The following XYLB variants were observed in gnomAD, a reference collection of about 807,000 sequenced individuals.
The protein encoded by XYLB is xylulose kinase.
XYLB carries 62 observed loss-of-function variants against 78.7 expected under a neutral mutation model. The observed-to-expected ratio is 0.79, with a 90% CI of 0.64 to 0.97. The LOEUF (loss-of-function observed/expected upper bound fraction) is 0.97. Ranked by LOEUF, XYLB falls within the 50% of genes least tolerant of loss-of-function variation. XYLB has a pLI of 0.00. For missense variants in XYLB, 687 were observed against 676.8 expected (o/e 1.02, Z -0.17); for synonymous variants, 245 against 247.4 (o/e 0.99, Z 0.09).
chr3:38,359,359 A>G (rs1705847372), intron 2 of XYLB, among the ~76,000 whole-genome samples: 1 of 152,234 alleles, frequency 6.6e-6, no homozygotes, highest in Non-Finnish European at 1.5e-5. Context: ...AGCAACCTCC[A>G]GTGTGAGTGT....
At chr3:38,371,531 T>C (rs968110475) in intron 9 of XYLB, among the ~76,000 whole-genome samples, 2 of 152,044 alleles carry the variant, frequency 1.3e-5, no homozygotes, top group Non-Finnish European at 2.9e-5. Context: ...GCCTCGGCCT[T>C]CCAAAGTGCT....
At chr3:38,416,369 G>A (rs1451041635), downstream of XYLB, among the ~76,000 whole-genome samples, 3 of 152,082 alleles carry the variant, frequency 2.0e-5, no homozygotes, top group East Asian at 5.8e-4. Context: ...AGAATACATA[G>A]TATAATTACT....
At chr3:38,384,828 A>G (rs1024662728) in intron 15 of XYLB, among the ~76,000 whole-genome samples, 6 of 152,096 alleles carry the variant, frequency 3.9e-5, no homozygotes, top group Non-Finnish European at 7.4e-5. Context: ...GTGTGTGTGT[A>G]TATATTTAAC....
intron 2 of XYLB, among the ~76,000 whole-genome samples, chr3:38,351,214 G>A (rs6771827): frequency 0.027 from 3,152 of 116,394 alleles, 111 homozygotes; most frequent in African/African-American, 0.085. Context: ...GTCTGGAAGT[G>A]TGTTGTTTAA....
chr3:38,405,447 A>G (rs1708276532), intron 18 of XYLB, among the ~76,000 whole-genome samples: 1 of 151,660 alleles, frequency 6.6e-6, no homozygotes, highest in Non-Finnish European at 1.5e-5. Flanking sequence ...AGCTCCCAGC[A>G]TGAGCAACGC....
intron 1 of XYLB, 61 bp from the exon 2 acceptor site, chr3:38,348,489 C>T: frequency 6.5e-7 from 1 of 1,540,236 alleles, no homozygotes; most frequent in African/African-American, 1.4e-5. Flanking sequence ...CGTTAGTACC[C>T]CCTGGACCAG....
At chr3:38,398,314 A>G (rs1003785245) in intron 17 of XYLB, among the ~76,000 whole-genome samples, 1 of 151,626 alleles carries the variant, frequency 6.6e-6, no homozygotes, top group Non-Finnish European at 1.5e-5. Context: ...CTAAAAATAC[A>G]AAAATTAGCT....
chr3:38,362,876 G>A lies in XYLB; in HGVS notation c.211-61G>A, dbSNP rs556946909. 2.9e-6 allele frequency: 4 copies of A among 1,379,438 alleles called. No homozygotes were observed. In the East Asian group the frequency reaches 1.1e-4, roughly 37 times the overall value. The allele number at this position is 1,379,438 out of a possible 1,614,324, so 85.4% of individuals were successfully genotyped here. On this transcript the variant is annotated intron_variant, in intron 3 of 18. Transcript: ENST00000207870. ...GCAGGCACTTGCGTTTCAATTCTGA[G>A]GCTTGCGTGTCTGATTCAGTGGTTC...
intron 17 of XYLB, among the ~76,000 whole-genome samples, chr3:38,398,805 A>G (rs1220979644): frequency 1.3e-5 from 2 of 150,208 alleles, no homozygotes; most frequent in African/African-American, 4.9e-5. Flanking sequence ...TAGGCGGATT[A>G]TGAGGTCAGG....
chr3:38,416,696 G>C (rs1443872989), downstream of XYLB, among the ~76,000 whole-genome samples: 1 of 152,090 alleles, frequency 6.6e-6, no homozygotes, highest in Non-Finnish European at 1.5e-5. Context: ...ATCTGAAAAG[G>C]TAGAATTCAG....
At chr3:38,406,302 T>C (rs149446645) in intron 18 of XYLB, among the ~76,000 whole-genome samples, 12,658 of 152,172 alleles carry the variant, frequency 0.083, 662 homozygotes, top group Middle Eastern at 0.18. Flanking sequence ...GCTAGCAAAC[T>C]CCAACAGACC....
At chr3:38,385,318 C>G (rs1707335512) in intron 15 of XYLB, among the ~76,000 whole-genome samples, 2 of 152,100 alleles carry the variant, frequency 1.3e-5, no homozygotes, top group South Asian at 4.1e-4. Flanking sequence ...ATACCCTTGT[C>G]CCTAGTTCAT....
chr3:38,412,986 G>T lies in XYLB; in HGVS notation c.1584G>T (p.Leu528Phe). The T allele has an allele frequency of 1.9e-6, 3 of 1,603,184 alleles. No homozygotes were observed. The highest frequency in any genetic ancestry group is 2.6e-6 in the Non-Finnish European group (3 of 1,176,090). Residue 528 changes from leucine (L) to phenylalanine (F), a missense_variant, in exon 19 of 19, where the codon TTG becomes TTT. Transcript: ENST00000207870. ...ATGCCAAACTCGAGCAGAGAATCTT[G>T]TCTCAGACCCGGGGGCCTCCGGAGT... ...PQYAKLEQRI[L>F]SQTRGPPE
the XYLB span, among the ~76,000 whole-genome samples, chr3:38,444,133 G>A: frequency 4.6e-5 from 7 of 152,172 alleles, no homozygotes; most frequent in African/African-American, 1.7e-4. Context: ...ATCTCTCCAA[G>A]TGGGGTCAAA....
intron 17 of XYLB, among the ~76,000 whole-genome samples, chr3:38,398,102 G>GCCA (rs1455173425): frequency 6.6e-6 from 1 of 151,776 alleles, no homozygotes; most frequent in Non-Finnish European, 1.5e-5. Flanking sequence ...ACAGGCGTGA[G>GCCA]CCACCGCACC....
At chr3:38,384,579 T>C (rs764662991) in intron 15 of XYLB, among the ~76,000 whole-genome samples, 1 of 152,188 alleles carries the variant, frequency 6.6e-6, no homozygotes, top group Non-Finnish European at 1.5e-5. Flanking sequence ...AAACAACTAT[T>C]TGTTTTAAAA....
the XYLB span, among the ~76,000 whole-genome samples, chr3:38,434,494 G>A: frequency 6.6e-6 from 1 of 152,242 alleles, no homozygotes; most frequent in Non-Finnish European, 1.5e-5. Context: ...AAATGAAGGA[G>A]AAATGTCTTT....
the XYLB span, among the ~76,000 whole-genome samples, chr3:38,442,703 G>C: frequency 5.6e-5 from 8 of 143,000 alleles, no homozygotes; most frequent in African/African-American, 2.1e-4. Context: ...GAATTGGGGT[G>C]TTGCAGGGAC....
rs768049970 is a variant in XYLB, at chr3:38,362,971, C to T, written c.245C>T (p.Ser82Leu). Residue 82 changes from serine (S) to leucine (L), a missense_variant, in exon 4 of 19, where the codon TCG becomes TTG. Transcript: ENST00000207870. ...LDIILEKMKA[S>L]GFDFSQVLAL... ...ATCATCTTGGAGAAGATGAAGGCTT[C>T]GGGCTTCGACTTCTCTCAAGTCCTA... The T allele has an allele frequency of 1.6e-5, 25 of 1,584,998 alleles. No individual in the cohort carries two copies. Among genetic ancestry groups the T allele is most frequent in the African/African-American group, 4.1e-5 (3 of 73,830 alleles).
Sources: allele counts gnomAD v4.1 joint callset (sites outside exome capture counted in the v4.1 genomes callset), GRCh38; gene constraint gnomAD v4.1.1; transcripts MANE v1.5; gene names NCBI Gene and HGNC (gene_info 2026-07-23, HGNC 2026-07-21).